The following KAZN variants were observed in gnomAD, a reference collection of about 807,000 sequenced individuals.
The protein encoded by KAZN is kazrin.
KAZN carries 40 observed loss-of-function variants against 87.4 expected under a neutral mutation model. That is an observed-to-expected ratio of 0.46 (90% CI 0.36 to 0.60). The LOEUF (loss-of-function observed/expected upper bound fraction) is 0.60. Ranked by LOEUF, KAZN falls within the 20% of genes least tolerant of loss-of-function variation. KAZN has a pLI of 0.00. For missense variants in KAZN, 898 were observed against 1,073.9 expected, an observed-to-expected ratio of 0.84 and a Z score of 2.29; for synonymous variants, 466 against 458.3, an observed-to-expected ratio of 1.02 and a Z score of -0.22.
At chr1:13,924,408 T>C (rs1342951607) in intron 1 of KAZN, among the ~76,000 whole-genome samples, 1 of 152,252 alleles carries the variant, frequency 6.6e-6, no homozygotes, top group Non-Finnish European at 1.5e-5. Flanking sequence ...GTTTTAATTC[T>C]AGGCGGTATA....
intron 2 of KAZN, among the ~76,000 whole-genome samples, chr1:14,976,142 G>C (rs146547160): frequency 6.6e-6 from 1 of 151,810 alleles, no homozygotes; most frequent in African/African-American, 2.4e-5. Context: ...TGTTGGTTTT[G>C]GACGTGGCTA....
chr1:14,970,608 C>T (rs192881656), intron 2 of KAZN, among the ~76,000 whole-genome samples: 1 of 152,204 alleles, frequency 6.6e-6, no homozygotes, highest in African/African-American at 2.4e-5. Context: ...GCAGCCAGGA[C>T]GGCGCCTTCC....
chr1:14,876,079 C>G (rs1038679234), intron 1 of KAZN, among the ~76,000 whole-genome samples: 1 of 152,190 alleles, frequency 6.6e-6, no homozygotes, highest in African/African-American at 2.4e-5. Context: ...GAAGAAAGCC[C>G]AGACAAGCCA....
chr1:14,364,643 G>A (rs1659817550), intron 2 of KAZN, among the ~76,000 whole-genome samples: 1 of 152,154 alleles, frequency 6.6e-6, no homozygotes, highest in South Asian at 2.1e-4. Context: ...ATTTCCTGGG[G>A]CTGCTATAAT....
intron 2 of KAZN, among the ~76,000 whole-genome samples, chr1:14,562,101 T>C (rs1324138388): frequency 6.6e-6 from 1 of 152,108 alleles, no homozygotes; most frequent in African/African-American, 2.4e-5. Context: ...AAGCTTTTAT[T>C]AGGTAAGCCT....
At chr1:14,910,061 T>TAAATAATGAATGAATG (rs71000348) in intron 1 of KAZN, among the ~76,000 whole-genome samples, 11,306 of 147,228 alleles carry the variant, frequency 0.077, 441 homozygotes, top group Middle Eastern at 0.1. Flanking sequence ...AATAAATAAA[T>TAAATAATGAATGAATG]AATGAATGAA....
chr1:14,621,783 C>T (rs542999783), intron 1 of KAZN, among the ~76,000 whole-genome samples: 22 of 152,322 alleles, frequency 1.4e-4, no homozygotes, highest in East Asian at 9.6e-4. Flanking sequence ...TGTGACTTTG[C>T]GCCTCCTTGC....
intron 1 of KAZN, among the ~76,000 whole-genome samples, chr1:13,949,257 G>C (rs192785237): frequency 4.6e-5 from 7 of 152,248 alleles, no homozygotes; most frequent in African/African-American, 1.7e-4. Flanking sequence ...ACATCTGCTG[G>C]CACAAAGTGG....
chr1:14,290,573 T>G (rs1016871664), intron 2 of KAZN, among the ~76,000 whole-genome samples: 14 of 152,186 alleles, frequency 9.2e-5, no homozygotes, highest in Non-Finnish European at 1.6e-4. Flanking sequence ...AGTTAGCCAT[T>G]TATCTAATCT....
At chr1:14,425,295 G>A (rs1665660035) in intron 2 of KAZN, among the ~76,000 whole-genome samples, 1 of 152,168 alleles carries the variant, frequency 6.6e-6, no homozygotes, top group African/African-American at 2.4e-5. Context: ...CCATAGCTGG[G>A]GGCATCTGGA....
chr1:14,275,444 C>CTGTGTGTGTGTG lies in KAZN; in HGVS notation c.249+94888_249+94899dup, dbSNP rs60684981. Among the ~76,000 whole-genome samples the CTGTGTGTGTGTG allele has an allele frequency of 3.4e-3, 468 of 136,948 alleles. 1 individual carries two copies. Among genetic ancestry groups the CTGTGTGTGTGTG allele is most frequent in the Non-Finnish European group, 4.0e-3 (256 of 64,486 alleles). The allele number at this position is 136,948 out of a possible 152,430, so 89.8% of individuals were successfully genotyped here. A position where few individuals can be genotyped will look rare whatever the true frequency, so the allele number is the denominator to read the frequency against. ...GAAAACTGCAGCCTTGTGGTAAATA[C>CTGTGTGTGTGTG]TGTGTGTGTGTGTGTGTGTGTGTGT... is the stretch of plus-strand genomic sequence containing the variant. On this transcript the variant is annotated intron_variant, in intron 2 of 16. Transcript: ENST00000636203.
intron 1 of KAZN, among the ~76,000 whole-genome samples, chr1:14,788,972 C>T (rs950045415): frequency 6.6e-6 from 1 of 152,154 alleles, no homozygotes; most frequent in Admixed American, 6.5e-5. Flanking sequence ...GGAAGGTTAC[C>T]TTTAACTTCC....
At chr1:13,946,986 C>T (rs780880484) in intron 1 of KAZN, among the ~76,000 whole-genome samples, 4 of 152,108 alleles carry the variant, frequency 2.6e-5, no homozygotes, top group Non-Finnish European at 5.9e-5. Flanking sequence ...GGGGAGAATC[C>T]GTTCCTTGCC....
At position 14,823,683 on chromosome 1, in the gene KAZN, T is replaced by C. The variant is rs1472393831; in HGVS notation, c.227-137001T>C. 2.0e-5 allele frequency among the ~76,000 whole-genome samples: 3 copies of C among 151,264 alleles called. No homozygotes were observed. In the East Asian group the frequency reaches 5.8e-4, roughly 29 times the overall value. On this transcript the variant is annotated intron_variant, in intron 1 of 14. Coordinates refer to ENST00000376030, the MANE Select transcript of KAZN (RefSeq NM_201628.3). Reference sequence around the variant, plus strand: ...AGGGATACTTAAGAAAGCTTGGGAGTGGGAGGGACAGATCGTATAGTGTGT... The same window carrying C: ...AGGGATACTTAAGAAAGCTTGGGAGCGGGAGGGACAGATCGTATAGTGTGT...
At chr1:15,083,952 A>G (rs1430018283) in intron 8 of KAZN, among the ~76,000 whole-genome samples, 1 of 152,196 alleles carries the variant, frequency 6.6e-6, no homozygotes, top group Non-Finnish European at 1.5e-5. Context: ...CTCCCACACT[A>G]GCCTGCTGGA....
At chr1:14,446,278 C>T (rs10803278) in intron 2 of KAZN, among the ~76,000 whole-genome samples, 81,908 of 151,900 alleles carry the variant, frequency 0.54, 22,647 homozygotes, top group African/African-American at 0.65. Context: ...TGGCCACACA[C>T]AAAAAATTAA....
chr1:15,054,743 A>G (rs1042416607), intron 4 of KAZN, among the ~76,000 whole-genome samples: 2 of 152,240 alleles, frequency 1.3e-5, no homozygotes, highest in African/African-American at 4.8e-5. Flanking sequence ...ATTTGAGATC[A>G]CTTCTAATAA....
At chr1:14,903,514 G>A (rs887613094) in intron 1 of KAZN, among the ~76,000 whole-genome samples, 5 of 152,194 alleles carry the variant, frequency 3.3e-5, no homozygotes, top group South Asian at 2.1e-4. Context: ...CAGAGGATCC[G>A]GGGAGAGGGC....
At chr1:14,561,399 A>G (rs1278092983) in intron 2 of KAZN, among the ~76,000 whole-genome samples, 1 of 152,184 alleles carries the variant, frequency 6.6e-6, no homozygotes, top group Non-Finnish European at 1.5e-5. Context: ...GCGAAAAGAT[A>G]AAGAAAATGA....
Sources: allele counts gnomAD v4.1 joint callset (sites outside exome capture counted in the v4.1 genomes callset), GRCh38; gene constraint gnomAD v4.1.1; transcripts MANE v1.5; gene names NCBI Gene and HGNC (gene_info 2026-07-23, HGNC 2026-07-21).